The following MGAT4D variants were observed in gnomAD, a reference collection of about 807,000 sequenced individuals.
MGAT4D encodes the protein alpha-1,3-mannosyl-glycoprotein 4-beta-N-acetylglucosaminyltransferase-like protein MGAT4D.
Under a neutral mutation model 15.9 loss-of-function variants are expected in MGAT4D, and 34 were observed. The ratio of observed to expected loss-of-function variants is 2.14; its 90% CI spans 1.62 to 2.84. The LOEUF is 2.84. Ranked by LOEUF, MGAT4D falls within the 30% of genes most tolerant of loss-of-function variation. The pLI is 0.00. For synonymous variants in MGAT4D, 112 were observed against 48.2 expected, an observed-to-expected ratio of 2.33 and a Z score of -5.49; for missense variants, 327 against 140.2, an observed-to-expected ratio of 2.33 and a Z score of -6.73.
intron 6 of MGAT4D, chr4:140,462,425 C>CT (rs1223530932): frequency 6.4e-6 from 1 of 155,888 alleles, no homozygotes; most frequent in African/African-American, 2.4e-5. Context: ...TTAGGGTTAA[C>CT]TATCTGCTAC....
At position 140,482,013 on chromosome 4, in the gene MGAT4D, C is replaced by T. The variant is rs546866085; in HGVS notation, c.253+314G>A. Among the ~76,000 whole-genome samples, 15 of 152,256 alleles carry T rather than the reference C, an allele frequency of 9.9e-5. No individual in the cohort carries two copies. The East Asian group carries it at 2.9e-3, about 29-fold the overall frequency. On this transcript the variant is annotated intron_variant, in intron 2 of 10. Coordinates refer to ENST00000511113, the MANE Select transcript of MGAT4D (RefSeq NM_001277353.2). ...TAGAATGGTGAATCAACCAGGATTG[C>T]TTTTACTGACATGGAAGTATGCAAG...
intron 5 of MGAT4D, among the ~76,000 whole-genome samples, chr4:140,470,434 T>C (rs541781631): frequency 6.6e-6 from 1 of 152,350 alleles, no homozygotes; most frequent in South Asian, 2.1e-4. Flanking sequence ...CAAAACACTT[T>C]ACTGGCTAAA....
At chr4:140,469,788 C>A (rs1731795472) in intron 5 of MGAT4D, among the ~76,000 whole-genome samples, 1 of 152,208 alleles carries the variant, frequency 6.6e-6, no homozygotes, top group South Asian at 2.1e-4. Flanking sequence ...GAATAACTCT[C>A]AATAGTTCTT....
At chr4:140,484,896 G>A (rs1440558068) in intron 1 of MGAT4D, among the ~76,000 whole-genome samples, 1 of 152,154 alleles carries the variant, frequency 6.6e-6, no homozygotes, top group African/African-American at 2.4e-5. Context: ...AAAAAGTCAG[G>A]AAACAACAGT....
At chr4:140,479,703 G>C (rs891359160) in intron 2 of MGAT4D, 76 bp from the exon 3 acceptor site, 1 of 365,250 alleles carries the variant, frequency 2.7e-6, no homozygotes, top group African/African-American at 2.1e-5. Context: ...TTTTCAAAGA[G>C]GTGTTAATAA....
At chr4:140,450,719 G>C (rs1730419604) in intron 10 of MGAT4D, among the ~76,000 whole-genome samples, 2 of 152,164 alleles carry the variant, frequency 1.3e-5, no homozygotes, top group South Asian at 4.1e-4. Flanking sequence ...AGACACTAAG[G>C]GTAGAGGTGT....
chr4:140,453,406 TC>T (rs1730595760), intron 9 of MGAT4D, among the ~76,000 whole-genome samples: 1 of 152,094 alleles, frequency 6.6e-6, no homozygotes, highest in South Asian at 2.1e-4. Context: ...GTCTCTCTGT[TC>T]TTTTTATTAG....
intron 4 of MGAT4D, among the ~76,000 whole-genome samples, chr4:140,472,489 A>T (rs983208053): frequency 1.3e-5 from 2 of 151,668 alleles, no homozygotes; most frequent in African/African-American, 4.8e-5. Flanking sequence ...GAACAATCAC[A>T]GTTCTGTTGT....
In MGAT4D at chr4:140,485,810, TAAAAAAAAAAAAAAAAAAA is replaced by T. The variant is rs61131099; in HGVS notation, c.95-3344_95-3326del. ...TGAGCAACAGAGCAAGACCCTGTCT[TAAAAAAAAAAAAAAAAAAA>T]AAAAAAAAAAAAAAAAAAAGCAATG... is the stretch of plus-strand genomic sequence containing the variant. On this transcript the variant is annotated intron_variant, in intron 1 of 10. Coordinates refer to ENST00000511113, the MANE Select transcript of MGAT4D (RefSeq NM_001277353.2). Among the ~76,000 whole-genome samples the T allele has an allele frequency of 2.1e-3, 27 of 13,026 alleles. 1 individual carries two copies. Among genetic ancestry groups the T allele is most frequent in the East Asian group, 7.1e-3 (2 of 280 alleles). The allele number at this position is 13,026 out of a possible 152,430, so 8.5% of individuals were successfully genotyped here. A position where few individuals can be genotyped will look rare whatever the true frequency, so the allele number is the denominator to read the frequency against.
chr4:140,446,607 T>G (rs1184665117), intron 10 of MGAT4D, among the ~76,000 whole-genome samples: 1 of 152,014 alleles, frequency 6.6e-6, no homozygotes, highest in African/African-American at 2.4e-5. Context: ...CTTATTAATT[T>G]CTTTGAAGAA....
intron 10 of MGAT4D, among the ~76,000 whole-genome samples, chr4:140,450,991 T>G (rs1730436914): frequency 6.6e-6 from 1 of 152,196 alleles, no homozygotes; most frequent in African/African-American, 2.4e-5. Context: ...AAATTTTTCT[T>G]CATCTGGCAA....
intron 1 of MGAT4D, among the ~76,000 whole-genome samples, chr4:140,490,959 T>C (rs1733463887): frequency 6.6e-6 from 1 of 152,244 alleles, no homozygotes; most frequent in Admixed American, 6.5e-5. Flanking sequence ...ATTATTTTAG[T>C]GGTTCAACTA....
In MGAT4D at chr4:140,482,290, C is replaced by T. The variant is rs113032951; in HGVS notation, c.253+37G>A. Reference sequence around the variant, plus strand: ...ATCATAAGACATTGAATCTACATTTCCAAAAACAAAACAAAACAAACAAAA... The same window carrying T: ...ATCATAAGACATTGAATCTACATTTTCAAAAACAAAACAAAACAAACAAAA... On this transcript the variant is annotated intron_variant, in intron 2 of 10. Transcript: ENST00000511113. The T allele has an allele frequency of 9.0e-5, 53 of 586,542 alleles. No individual in the cohort carries two copies. In the Middle Eastern group the frequency reaches 1.3e-3, roughly 14 times the overall value. The allele number at this position is 586,542 out of a possible 1,614,324, so 36.3% of individuals were successfully genotyped here.
At chr4:140,455,491 T>A (rs991880246) in intron 9 of MGAT4D, among the ~76,000 whole-genome samples, 4 of 152,224 alleles carry the variant, frequency 2.6e-5, no homozygotes, top group Non-Finnish European at 4.4e-5. Flanking sequence ...GATGTGGCTA[T>A]TTTGGTGAAT....
At chr4:140,491,923 G>C (rs556042132) in intron 1 of MGAT4D, among the ~76,000 whole-genome samples, 2 of 152,234 alleles carry the variant, frequency 1.3e-5, no homozygotes, top group East Asian at 3.9e-4. Flanking sequence ...GCAGCAGACT[G>C]TTTCTCCAAA....
chr4:140,485,467 G>A (rs1578711354), intron 1 of MGAT4D, among the ~76,000 whole-genome samples: 1 of 151,570 alleles, frequency 6.6e-6, no homozygotes, highest in Admixed American at 6.6e-5. Flanking sequence ...CGAGATAGTG[G>A]GTGCAGCATA....
At chr4:140,470,535 A>G (rs1445158061) in intron 5 of MGAT4D, among the ~76,000 whole-genome samples, 1 of 152,222 alleles carries the variant, frequency 6.6e-6, no homozygotes, top group African/African-American at 2.4e-5. Context: ...AGCATGGTGC[A>G]TAGGCCCTGC....
chr4:140,498,183 C>T lies in MGAT4D; in HGVS notation c.40G>A (p.Ala14Thr), dbSNP rs747852253. Reference protein sequence around the residue: ...KQVNLLITLVAVALFSFSCFS... With the variant: ...KQVNLLITLVTVALFSFSCFS... The stretch of plus-strand genomic sequence containing the variant: ...CAAGAGAAGCTGAACAACGCGACGG[C>T]GACCAGGGTGATCAGCAAGTTCACC... Residue 14 changes from alanine to threonine, a missense_variant, in exon 1 of 11, where the codon GCC (alanine) becomes ACC (threonine). By Grantham distance (58) the Ala-to-Thr change is moderately conservative (BLOSUM62 0). Transcript: ENST00000511113. 1 of 702,552 alleles carries T rather than the reference C, an allele frequency of 1.4e-6. No homozygotes were observed. Among genetic ancestry groups the T allele is most frequent in the Admixed American group, 2.0e-5 (1 of 49,986 alleles). 43.5% of individuals were successfully genotyped at this position (702,552 alleles called of 1,614,324 possible).
In MGAT4D at chr4:140,474,927, A is replaced by C; in HGVS notation, c.411T>G (p.Ile137Met). The change falls in exon 4 of 11, where the codon ATT (isoleucine) becomes ATG (methionine). Residue 137 changes from isoleucine (I) to methionine (M), a missense_variant. Coordinates refer to ENST00000511113, the MANE Select transcript of MGAT4D (RefSeq NM_001277353.2). The stretch of plus-strand genomic sequence containing the variant: ...TATAATTTCCTCTGTTAACAGTGGA[A>C]ATACCCAGCGCAAAAGAAACTGTGG... Reference protein sequence around the residue: ...GKTGVSFALGISTVNRGNYSY... With the variant: ...GKTGVSFALGMSTVNRGNYSY... 1 of 691,746 alleles carries C rather than the reference A, an allele frequency of 1.4e-6. No individual in the cohort carries two copies. Among genetic ancestry groups the C allele is most frequent in the East Asian group, 2.7e-5 (1 of 36,730 alleles). The allele number at this position is 691,746 out of a possible 1,614,324, so 42.9% of individuals were successfully genotyped here.
Sources: gnomAD v4.1 joint callset for allele counts (sites outside exome capture counted in the v4.1 genomes callset) on GRCh38, gnomAD v4.1.1 for gene constraint, MANE v1.5 for transcripts, NCBI Gene and HGNC (gene_info 2026-07-23, HGNC 2026-07-21) for gene names.